Variants in ZNF775 observed in about 807,000 individuals in gnomAD.
The protein encoded by ZNF775 is zinc finger protein 775.
A neutral mutation model predicts 2.4 loss-of-function variants in ZNF775; 1 was observed. The observed-to-expected ratio is 0.41, with a 90% confidence interval of 0.15 to 1.94. The LOEUF (loss-of-function observed/expected upper bound fraction) is 1.94. ZNF775 is among the 30% of genes most tolerant of loss of function. The pLI, the probability that ZNF775 is intolerant of heterozygous loss-of-function variation, is 0.30. For synonymous variants in ZNF775, 381 were observed against 373.3 expected (o/e 1.02, Z -0.24); for missense variants, 823 against 826.6 (o/e 1.00, Z 0.05).
rs1239676011 is a variant in ZNF775, at chr7:150,396,980, G to A, written c.499G>A (p.Glu167Lys). ...HTGERPFCCP[E>K]CARRFSQKQH... is the part of the protein sequence containing the mutation. ...GGGCGAGCGACCCTTCTGCTGCCCC[G>A]AGTGCGCGCGGCGCTTCAGCCAGAA... Residue 167 changes from glutamate to lysine, a missense_variant, in exon 3 of 3, where the codon GAG becomes AAG. Transcript: ENST00000329630. The A allele has an allele frequency of 1.3e-6, 2 of 1,599,136 alleles. No individual in the cohort carries two copies. Among genetic ancestry groups the A allele is most frequent in the Non-Finnish European group, 1.7e-6 (2 of 1,178,958 alleles).
intron 1 of ZNF775, chr7:150,380,095 G>A (rs1422408723): frequency 6.6e-6 from 1 of 152,316 alleles, no homozygotes; most frequent in Non-Finnish European, 1.5e-5. Flanking sequence ...CTTTGAGCAA[G>A]ATGATCTGAG....
chr7:150,383,192 C>G (rs1024362571), intron 1 of ZNF775, among the ~76,000 whole-genome samples: 4 of 152,246 alleles, frequency 2.6e-5, no homozygotes, highest in South Asian at 4.1e-4. Context: ...TCTTATGTCC[C>G]TATGATCATA....
At chr7:150,395,208 G>C (rs973915903) in intron 2 of ZNF775, among the ~76,000 whole-genome samples, 2 of 152,048 alleles carry the variant, frequency 1.3e-5, no homozygotes, top group Non-Finnish European at 2.9e-5. Context: ...ATTTCATATA[G>C]ATTTTCAAAT....
rs551595621 is a variant in ZNF775, at chr7:150,379,570, A to T, written c.-50+178A>T. ...TGCCCCGAGCCCCGCGCGCCCCCCG[A>T]GCCCCGGGTCTCAAGCGTTCCCTCT... On this transcript the variant is annotated intron_variant, in intron 1 of 2. Coordinates refer to ENST00000329630, the MANE Select transcript of ZNF775 (RefSeq NM_173680.4). Among the ~76,000 whole-genome samples the T allele has an allele frequency of 2.9e-3, 433 of 151,632 alleles. 2 individuals carry two copies. Among genetic ancestry groups the T allele is most frequent in the Non-Finnish European group, 5.1e-3 (348 of 67,866 alleles).
chr7:150,398,164 T>A lies in ZNF775; in HGVS notation c.*69T>A. On this transcript the variant is annotated 3_prime_UTR_variant, in exon 3 of 3. Coordinates refer to ENST00000329630, the MANE Select transcript of ZNF775 (RefSeq NM_173680.4). ...GCGGGGTGTGTGTGGGGAGTGGGGG[T>A]GGCCAGGATTGCTGGCTCTTAGAAC... 6.6e-7 allele frequency: 1 copy of A among 1,518,344 alleles called. No homozygotes were observed. The highest frequency in any genetic ancestry group is 1.2e-5 in the South Asian group (1 of 82,886). 94.1% of individuals were successfully genotyped at this position (1,518,344 alleles called of 1,614,324 possible). A position where few individuals can be genotyped will look rare whatever the true frequency, so the allele number is the denominator to read the frequency against.
rs1281903235 is a variant in ZNF775, at chr7:150,398,114, A to C, written c.*19A>C. 6.5e-7 allele frequency: 1 copy of C among 1,538,008 alleles called. No individual in the cohort carries two copies. Among genetic ancestry groups the C allele is most frequent in the Non-Finnish European group, 8.7e-7 (1 of 1,147,014 alleles). On this transcript the variant is annotated 3_prime_UTR_variant, in exon 3 of 3. Coordinates refer to ENST00000329630, the MANE Select transcript of ZNF775 (RefSeq NM_173680.4). ...GCGCTAGTGGACTGGACCTCAGCGG[A>C]CCCGTGGTGGTGCGGGGGATGTTTG...
At chr7:150,393,479 A>G (rs1371181041) in intron 2 of ZNF775, among the ~76,000 whole-genome samples, 1 of 152,138 alleles carries the variant, frequency 6.6e-6, no homozygotes, top group East Asian at 1.9e-4. Context: ...TTGGGTAAAT[A>G]CCTAGGAGAG....
At position 150,397,116 on chromosome 7, in the gene ZNF775, C is replaced by G. The variant is rs750383928; in HGVS notation, c.635C>G (p.Ala212Gly). The G allele has an allele frequency of 3.3e-6, 5 of 1,531,340 alleles. No homozygotes were observed. The Admixed American group carries it at 1.1e-4, about 33-fold the overall frequency. The allele number at this position is 1,531,340 out of a possible 1,614,324, so 94.9% of individuals were successfully genotyped here. Residue 212 changes from alanine to glycine, a missense_variant, in exon 3 of 3, where the codon GCG (alanine) becomes GGG (glycine). Physicochemically the swap from Ala to Gly is moderately conservative, Grantham distance 60. Coordinates refer to ENST00000329630, the MANE Select transcript of ZNF775 (RefSeq NM_173680.4). ...HQVGLRIHQRAHARDRQGSRA... is the reference protein window; with the variant it reads ...HQVGLRIHQRGHARDRQGSRA... The stretch of plus-strand genomic sequence containing the variant: ...GTGGGCCTCCGCATCCACCAGCGCG[C>G]GCACGCCCGGGACCGCCAGGGCTCC...
chr7:150,389,146 G>A (rs556354392), intron 2 of ZNF775, among the ~76,000 whole-genome samples: 1 of 152,364 alleles, frequency 6.6e-6, no homozygotes, highest in Non-Finnish European at 1.5e-5. Context: ...TGGCCCAGCT[G>A]CCAGAAGGGC....
intron 2 of ZNF775, 107 bp from the exon 3 acceptor site, chr7:150,396,404 CCT>C: frequency 1.5e-6 from 2 of 1,346,036 alleles, no homozygotes; most frequent in Non-Finnish European, 2.0e-6. Flanking sequence ...CTTTTCAGCC[CCT>C]CTCTGCCCTC....
rs7780011 is a variant in ZNF775, at chr7:150,397,765, G to A, written c.1284G>A (p.Thr428=). Residue 428 remains threonine (T), a synonymous_variant, in exon 3 of 3, where the codon ACG becomes ACA. Transcript: ENST00000329630. ...AACGGTCCCCGGGGGCCCGGGACAC[G>A]CTGTGGGGCCGGGGACAAGCGGGCC... is the stretch of plus-strand genomic sequence containing the variant. The part of the protein sequence containing the change: ...SSQRSPGARD[T]LWGRGQAGLA... 699,176 of 1,517,754 alleles carry A rather than the reference G, an allele frequency of 0.46. 162,855 individuals are homozygous for A. The highest frequency in any genetic ancestry group is 0.52 in the African/African-American group (37,663 of 71,746). 94.0% of individuals were successfully genotyped at this position (1,517,754 alleles called of 1,614,324 possible).
chr7:150,388,885 C>G, intron 2 of ZNF775, among the ~76,000 whole-genome samples: 1 of 152,364 alleles, frequency 6.6e-6, no homozygotes, highest in Non-Finnish European at 1.5e-5. Context: ...GCTCATCAGT[C>G]AGGACATTGT....
At chr7:150,387,677 G>A (rs1023942341) in intron 1 of ZNF775, among the ~76,000 whole-genome samples, 2 of 152,192 alleles carry the variant, frequency 1.3e-5, no homozygotes, top group African/African-American at 4.8e-5. Context: ...GCCAGGCGTG[G>A]TGGCGGGCGC....
intron 2 of ZNF775, among the ~76,000 whole-genome samples, chr7:150,392,334 A>T (rs6464062): frequency 0.47 from 71,752 of 151,986 alleles, 17,162 homozygotes; most frequent in African/African-American, 0.51. Context: ...ATCAAACAAT[A>T]CTGTTCCATT....
In ZNF775 at chr7:150,398,018, C is replaced by T. The variant is rs1324019598; in HGVS notation, c.1537C>T (p.Gln513Ter). 1 of 1,582,362 alleles carries T rather than the reference C, an allele frequency of 6.3e-7. No individual in the cohort carries two copies. Among genetic ancestry groups the T allele is most frequent in the Admixed American group, 1.8e-5 (1 of 56,898 alleles). ...TCCCGCCTGCGGCCGCGGCTTCAGCCAGAAGCAGCACCTGCTCAAGCACCA... is the reference window on the plus strand; with the variant it reads ...TCCCGCCTGCGGCCGCGGCTTCAGCTAGAAGCAGCACCTGCTCAAGCACCA... ...LCPACGRGFS[Q>*]KQHLLKHQRV... Residue 513 changes from glutamine (Q) to a stop codon, truncating the protein, a stop_gained, in exon 3 of 3, where the codon CAG (glutamine) becomes TAG (stop). Coordinates refer to ENST00000329630, the MANE Select transcript of ZNF775 (RefSeq NM_173680.4). LOFTEE classifies it low-confidence loss of function (END_TRUNC).
intron 1 of ZNF775, among the ~76,000 whole-genome samples, chr7:150,381,618 A>C (rs1800363632): frequency 7.8e-6 from 1 of 128,412 alleles, no homozygotes. Flanking sequence ...CGTTATTTCC[A>C]TTTTCAGGTG....
intron 2 of ZNF775, 40 bp downstream of exon 2, chr7:150,388,541 C>T (rs1163261386): frequency 8.4e-6 from 13 of 1,551,276 alleles, no homozygotes; most frequent in Middle Eastern, 3.3e-4. Flanking sequence ...GCGGGGTCTC[C>T]TCTGCTGAGG....
At chr7:150,388,596 C>T (rs961883561) in intron 2 of ZNF775, 95 bp downstream of exon 2, 14 of 1,406,410 alleles carry the variant, frequency 1.0e-5, no homozygotes. Flanking sequence ...AGCCAGTGCC[C>T]TCAGCCAGTA....
In ZNF775 at chr7:150,397,923, G is replaced by A. The variant is rs1800710944; in HGVS notation, c.1442G>A (p.Arg481His). ...CCCTACCCGTGCCCCGAGTGCGGCCGCCGCTTCAGCCAGAAGCCCAACCTG... is the reference window on the plus strand; with the variant it reads ...CCCTACCCGTGCCCCGAGTGCGGCCACCGCTTCAGCCAGAAGCCCAACCTG... ...ERPYPCPECG[R>H]RFSQKPNLTR... The change falls in exon 3 of 3, where the codon CGC becomes CAC. Residue 481 changes from arginine (R) to histidine (H), a missense_variant. Coordinates refer to ENST00000329630, the MANE Select transcript of ZNF775 (RefSeq NM_173680.4). The A allele has an allele frequency of 2.5e-6, 4 of 1,601,360 alleles. No homozygotes were observed. The African/African-American group carries it at 5.4e-5, about 21-fold the overall frequency.
Sources: allele counts gnomAD v4.1 joint callset (sites outside exome capture counted in the v4.1 genomes callset), GRCh38; gene constraint gnomAD v4.1.1; transcripts MANE v1.5; gene names NCBI Gene and HGNC (gene_info 2026-07-23, HGNC 2026-07-21).